USO1: variants seen among roughly 807,000 people sequenced by gnomAD.
The protein encoded by USO1 is general vesicular transport factor p115.
USO1 carries 57 observed loss-of-function variants against 124.5 expected under a neutral mutation model. That is an observed-to-expected ratio of 0.46 (90% CI 0.37 to 0.57). The LOEUF (loss-of-function observed/expected upper bound fraction) is 0.57, where lower values mean the gene tolerates loss of function less well. Among genes scored for constraint, USO1 ranks in the 20% least tolerant of loss-of-function variants. The pLI, the probability that USO1 is intolerant of heterozygous loss-of-function variation, is 0.00. For missense variants in USO1, 900 were observed against 1,040.6 expected, an observed-to-expected ratio of 0.86 and a Z score of 1.86; for synonymous variants, 369 against 362.8, an observed-to-expected ratio of 1.02 and a Z score of -0.19.
At chr4:75,808,882 C>T in intron 20 of USO1, 71 bp from the exon 21 acceptor site, 1 of 1,455,528 alleles carries the variant, frequency 6.9e-7, no homozygotes, top group Non-Finnish European at 9.2e-7. Flanking sequence ...TTTTAAATGT[C>T]TCCCTGTAAA....
chr4:75,728,540 C>T (rs1046094133), intron 1 of USO1, among the ~76,000 whole-genome samples: 2 of 152,144 alleles, frequency 1.3e-5, no homozygotes, highest in African/African-American at 4.8e-5. Context: ...ATCTCAGCTA[C>T]TCAGGAGGCT....
intron 1 of USO1, among the ~76,000 whole-genome samples, chr4:75,729,364 A>G (rs1265010736): frequency 6.7e-6 from 1 of 149,490 alleles, no homozygotes; most frequent in Middle Eastern, 3.2e-3. Flanking sequence ...GTGGGGTACG[A>G]AGTCTCGCTC....
At chr4:75,773,374 C>T in intron 7 of USO1, among the ~76,000 whole-genome samples, 1 of 151,676 alleles carries the variant, frequency 6.6e-6, no homozygotes. Flanking sequence ...CTAAAATATA[C>T]TAAGACCTTG....
chr4:75,764,864 G>C (rs1173419956), intron 4 of USO1, among the ~76,000 whole-genome samples: 3 of 152,022 alleles, frequency 2.0e-5, no homozygotes, highest in Admixed American at 2.0e-4. Flanking sequence ...CTGAAGATTG[G>C]CAATACCTGG....
At chr4:75,732,518 C>G (rs1720661324) in intron 1 of USO1, among the ~76,000 whole-genome samples, 2 of 152,126 alleles carry the variant, frequency 1.3e-5, no homozygotes, top group South Asian at 2.1e-4. Flanking sequence ...TCTTTATTTT[C>G]CCTTATTTCA....
chr4:75,810,509 A>C lies in USO1; in HGVS notation c.2553A>C (p.Ser851=). 6.2e-7 allele frequency: 1 copy of C among 1,613,002 alleles called. No homozygotes were observed. The change falls in exon 22 of 24, where the codon TCA becomes TCC. Residue 851 remains serine (S), a synonymous_variant. Transcript: ENST00000514213. ...CTACTGATGTAGAAGGAAGACTGTC[A>C]GCATTATTACAAGAGACCAAAGAGT... ...TKTTDVEGRL[S]ALLQETKELK...
At position 75,800,710 on chromosome 4, in the gene USO1, G is replaced by T. The variant is rs1370202404; in HGVS notation, c.1775G>T (p.Arg592Ile). ...GFISKHELYS[R>I]ASQKPQPNFP... ...ATTAGCAAACATGAGTTGTATTCCA[G>T]AGCATCTCAGAAACCCCAGCCAAAC... The change falls in exon 16 of 24, where the codon AGA (arginine) becomes ATA (isoleucine). Residue 592 changes from arginine to isoleucine, a missense_variant. Arg to Ile is a moderately conservative substitution (Grantham distance 97, BLOSUM62 -3). This residue lies in a region of USO1 where 538 missense variants were observed against 681.6 expected (regional missense o/e 0.79). Coordinates refer to ENST00000514213, the MANE Select transcript of USO1 (RefSeq NM_003715.4). The T allele has an allele frequency of 1.9e-6, 3 of 1,610,990 alleles. No individual in the cohort carries two copies. Among genetic ancestry groups the T allele is most frequent in the Non-Finnish European group, 2.5e-6 (3 of 1,179,142 alleles).
At chr4:75,755,548 A>T (rs977479675) in intron 3 of USO1, 10 of 513,010 alleles carry the variant, frequency 1.9e-5, no homozygotes, top group Non-Finnish European at 3.5e-5. Flanking sequence ...GTTTTCAGTT[A>T]TATTTCAGTT....
chr4:75,798,354 G>A (rs1010245940), intron 13 of USO1, among the ~76,000 whole-genome samples: 1 of 152,088 alleles, frequency 6.6e-6, no homozygotes, highest in Non-Finnish European at 1.5e-5. Flanking sequence ...TATATAACCA[G>A]GTAGATGAAC....
At chr4:75,763,405 A>G (rs1043672237) in intron 4 of USO1, among the ~76,000 whole-genome samples, 11 of 152,196 alleles carry the variant, frequency 7.2e-5, no homozygotes, top group African/African-American at 2.7e-4. Context: ...ATAATACTTT[A>G]TTATAAAATA....
chr4:75,800,613 C>T lies in USO1; in HGVS notation c.1683-5C>T, dbSNP rs1008000639. 6 of 1,549,818 alleles carry T rather than the reference C, an allele frequency of 3.9e-6. No individual in the cohort carries two copies. In the African/African-American group the frequency reaches 4.2e-5, roughly 11 times the overall value. On this transcript the variant is annotated splice_polypyrimidine_tract_variant and splice_region_variant and intron_variant, in intron 15 of 23. Transcript: ENST00000514213. ...TAAAGCATCTCAATATGCTTATCTC[C>T]GTAGAGAGAAGCTAAAACAACTGAT...
intron 4 of USO1, 74 bp from the exon 5 acceptor site, chr4:75,770,365 T>C (rs1475089706): frequency 2.9e-6 from 4 of 1,385,338 alleles, no homozygotes; most frequent in African/African-American, 1.5e-5. Context: ...TCATTCACGC[T>C]TAACTCTTCA....
chr4:75,780,171 A>G (rs1722177973), intron 8 of USO1, among the ~76,000 whole-genome samples: 1 of 152,212 alleles, frequency 6.6e-6, no homozygotes, highest in Non-Finnish European at 1.5e-5. Flanking sequence ...TTCTAGGCCC[A>G]GTGCATTAGA....
intron 1 of USO1, among the ~76,000 whole-genome samples, chr4:75,748,981 T>G (rs1165654201): frequency 6.6e-6 from 1 of 151,800 alleles, no homozygotes; most frequent in Non-Finnish European, 1.5e-5. Context: ...TGTATATATA[T>G]GTATATATTA....
intron 3 of USO1, among the ~76,000 whole-genome samples, chr4:75,754,572 C>T (rs550356289): frequency 2.6e-5 from 4 of 152,334 alleles, no homozygotes; most frequent in Admixed American, 1.3e-4. Context: ...TATCTCTGGT[C>T]CTCCAATCCT....
At chr4:75,776,058 A>G (rs2089253) in intron 8 of USO1, among the ~76,000 whole-genome samples, 18,933 of 152,166 alleles carry the variant, frequency 0.12, 1,858 homozygotes, top group African/African-American at 0.27. Context: ...CAAGATGCCA[A>G]TGATGTTTTC....
chr4:75,808,041 A>T (rs778347223), intron 20 of USO1, among the ~76,000 whole-genome samples: 5 of 152,216 alleles, frequency 3.3e-5, no homozygotes, highest in Admixed American at 6.5e-5. Flanking sequence ...AACCAAAAGA[A>T]AAGAGCCTTT....
intron 1 of USO1, among the ~76,000 whole-genome samples, chr4:75,740,672 T>C (rs1355345348): frequency 6.6e-6 from 1 of 152,208 alleles, no homozygotes; most frequent in Non-Finnish European, 1.5e-5. Context: ...CAAACAGTTA[T>C]ATTCATAAAC....
intron 8 of USO1, among the ~76,000 whole-genome samples, chr4:75,775,844 A>T (rs147576706): frequency 6.6e-6 from 1 of 152,178 alleles, no homozygotes; most frequent in African/African-American, 2.4e-5. Context: ...TTTCTAAAAA[A>T]GGCATTTGGT....
Sources: gnomAD v4.1 joint callset for allele counts (sites outside exome capture counted in the v4.1 genomes callset) on GRCh38, gnomAD v4.1.1 for gene constraint, gnomAD v4.1.1 regional missense constraint, MANE v1.5 for transcripts, NCBI Gene and HGNC (gene_info 2026-07-23, HGNC 2026-07-21) for gene names.